The following GAS2 variants were observed in gnomAD, a reference collection of about 807,000 sequenced individuals.
The protein encoded by GAS2 is growth arrest-specific protein 2.
Under a neutral mutation model 37.5 loss-of-function variants are expected in GAS2, and 20 were observed. The ratio of observed to expected loss-of-function variants is 0.53; its 90% CI spans 0.37 to 0.77. The LOEUF (loss-of-function observed/expected upper bound fraction) is 0.77. GAS2 is among the 30% of genes least tolerant of loss of function. The pLI is 0.00. For synonymous variants in GAS2, 144 were observed against 132.2 expected (o/e 1.09, Z -0.61); for missense variants, 336 against 373.4 (o/e 0.90, Z 0.82).
intron 7 of GAS2, among the ~76,000 whole-genome samples, chr11:22,769,944 A>G (rs1854889550): frequency 6.6e-6 from 1 of 152,216 alleles, no homozygotes; most frequent in African/African-American, 2.4e-5. Flanking sequence ...AACGAATGGT[A>G]GGCATGGAAT....
chr11:22,636,975 T>A (rs1165664566), intron 1 of GAS2, among the ~76,000 whole-genome samples: 1 of 141,148 alleles, frequency 7.1e-6, no homozygotes, highest in Non-Finnish European at 1.5e-5. Flanking sequence ...GATATTTATA[T>A]CAATAGTACA....
In GAS2 at chr11:22,634,126, C is replaced by T. The variant is rs2088617; in HGVS notation, c.-21+8313C>T. On this transcript the variant is annotated intron_variant, in intron 1 of 5. Coordinates refer to the GAS2 transcript ENST00000528582. ...GGCTGGGGAGGCCTCACATTCATGG[C>T]GGAACATGAAGGAAGAGCAAAGGGA... Among the ~76,000 whole-genome samples, 643 of 152,162 alleles carry T rather than the reference C, an allele frequency of 4.2e-3. 3 individuals carry two copies. Among genetic ancestry groups the T allele is most frequent in the African/African-American group, 0.014 (600 of 41,490 alleles).
At chr11:22,769,666 T>C (rs527652012) in intron 7 of GAS2, among the ~76,000 whole-genome samples, 1 of 152,364 alleles carries the variant, frequency 6.6e-6, no homozygotes, top group East Asian at 1.9e-4. Context: ...ATCCTGATGC[T>C]TAGTCAGAGA....
intron 1 of GAS2, among the ~76,000 whole-genome samples, chr11:22,634,574 C>T (rs975839276): frequency 6.6e-6 from 1 of 152,088 alleles, no homozygotes; most frequent in Admixed American, 6.5e-5. Context: ...CGGGGTGCTC[C>T]CTTGATGTGG....
chr11:22,692,065 T>G (rs975851044), intron 3 of GAS2, among the ~76,000 whole-genome samples: 2 of 152,000 alleles, frequency 1.3e-5, no homozygotes, highest in African/African-American at 4.8e-5. Flanking sequence ...GTAAATCATA[T>G]AGAATAAAAA....
intron 2 of GAS2, 112 bp from the exon 3 acceptor site, chr11:22,685,556 A>G: frequency 1.8e-6 from 2 of 1,113,270 alleles, no homozygotes; most frequent in South Asian, 1.6e-5. Context: ...TATCCCAGTT[A>G]TGTAACTCAG....
chr11:22,629,008 T>C (rs1858706628), intron 1 of GAS2, among the ~76,000 whole-genome samples: 1 of 152,084 alleles, frequency 6.6e-6, no homozygotes, highest in Non-Finnish European at 1.5e-5. Flanking sequence ...TATGTGTGTG[T>C]GTGTGTGTAT....
chr11:22,711,163 G>A (rs1406416099), intron 3 of GAS2, among the ~76,000 whole-genome samples: 1 of 152,116 alleles, frequency 6.6e-6, no homozygotes, highest in Non-Finnish European at 1.5e-5. Flanking sequence ...AGTGTGAGGG[G>A]GGAAAAGTCA....
At chr11:22,790,590 A>T (rs1454689290) in intron 7 of GAS2, among the ~76,000 whole-genome samples, 104 of 111,792 alleles carry the variant, frequency 9.3e-4, no homozygotes, top group African/African-American at 2.7e-3. Flanking sequence ...CTTCTTCTCT[A>T]TTTTTTTTTT....
chr11:22,655,447 T>TA (rs955245370), intron 1 of GAS2, among the ~76,000 whole-genome samples: 2 of 151,668 alleles, frequency 1.3e-5, no homozygotes, highest in Non-Finnish European at 2.9e-5. Flanking sequence ...AAAAACAGTA[T>TA]AAAAAAAAGG....
Position 22,693,284 on chromosome 11 carries a change from A to G in GAS2, c.267+7495A>G, listed in dbSNP as rs539034040. 3.3e-5 allele frequency among the ~76,000 whole-genome samples: 5 copies of G among 152,344 alleles called. No individual in the cohort carries two copies. The East Asian group carries it at 9.6e-4, about 29-fold the overall frequency. ...TACTTATAAGAATAAAGAAAATTCC[A>G]TTCTCCAAACCAAGAGATGAATGTT... On this transcript the variant is annotated intron_variant, in intron 3 of 7. Coordinates refer to ENST00000454584, the MANE Select transcript of GAS2 (RefSeq NM_001143830.3).
At chr11:22,695,154 T>C (rs550459195) in intron 3 of GAS2, among the ~76,000 whole-genome samples, 2 of 151,990 alleles carry the variant, frequency 1.3e-5, no homozygotes, top group African/African-American at 2.4e-5. Flanking sequence ...ACGCTGTCTC[T>C]ACCAAAAATA....
rs140346585 is a variant in GAS2, at chr11:22,749,387, C to T, written c.615+126C>T. ...AATTTTCTTGAAATGTATTTTAAGC[C>T]CATATGAAAAACTTTGTAGTCCTAC... On this transcript the variant is annotated intron_variant, in intron 6 of 7. Transcript: ENST00000454584. 2.1e-3 allele frequency: 1,823 copies of T among 851,368 alleles called. 7 individuals are homozygous for T. The highest frequency in any genetic ancestry group is 4.0e-3 in the Admixed American group (124 of 30,802). The allele number at this position is 851,368 out of a possible 1,614,324, so 52.7% of individuals were successfully genotyped here.
chr11:22,727,477 A>G (rs1259652199), intron 4 of GAS2, among the ~76,000 whole-genome samples: 1 of 152,018 alleles, frequency 6.6e-6, no homozygotes. Flanking sequence ...AAATCTTACT[A>G]ATTTTATGTG....
chr11:22,763,879 C>T (rs1854532002), intron 7 of GAS2, among the ~76,000 whole-genome samples: 1 of 152,090 alleles, frequency 6.6e-6, no homozygotes, highest in African/African-American at 2.4e-5. Context: ...CAAAACTAAA[C>T]ACTAATTCAG....
At chr11:22,749,320 T>G in intron 6 of GAS2, 59 bp downstream of exon 6, 1 of 1,462,650 alleles carries the variant, frequency 6.8e-7, no homozygotes, top group Non-Finnish European at 9.4e-7. Flanking sequence ...CTACAAAACA[T>G]ATTCTGTGCA....
intron 1 of GAS2, among the ~76,000 whole-genome samples, chr11:22,639,949 C>G (rs989089188): frequency 5.9e-5 from 9 of 152,110 alleles, no homozygotes; most frequent in Non-Finnish European, 1.0e-4. Context: ...GTCTGATAAT[C>G]CATCCTGTGG....
chr11:22,711,172 C>T (rs1851387075), intron 3 of GAS2, among the ~76,000 whole-genome samples: 1 of 152,184 alleles, frequency 6.6e-6, no homozygotes, highest in Non-Finnish European at 1.5e-5. Context: ...GGGGAAAAGT[C>T]ACCCTCTAAA....
chr11:22,728,141 G>A (rs1852301079), intron 4 of GAS2, among the ~76,000 whole-genome samples: 1 of 151,860 alleles, frequency 6.6e-6, no homozygotes, highest in East Asian at 1.9e-4. Context: ...GATTACTATA[G>A]GATAAATTGG....
Sources: gnomAD v4.1 joint callset for allele counts (sites outside exome capture counted in the v4.1 genomes callset) on GRCh38, gnomAD v4.1.1 for gene constraint, MANE v1.5 for transcripts, NCBI Gene and HGNC (gene_info 2026-07-23, HGNC 2026-07-21) for gene names.